Variants in MAPKAPK2 observed in about 807,000 individuals in gnomAD.
MAPKAPK2 encodes the protein MAPK activated protein kinase 2.
Under a neutral mutation model 48.8 loss-of-function variants are expected in MAPKAPK2, and 9 were observed. That is an observed-to-expected ratio of 0.18 (90% CI 0.11 to 0.32). The LOEUF is 0.32. Ranked by LOEUF, MAPKAPK2 falls within the 10% of genes least tolerant of loss-of-function variation. The pLI is 1.00. For missense variants in MAPKAPK2, 331 were observed against 498.3 expected, an observed-to-expected ratio of 0.66 and a Z score of 3.20; for synonymous variants, 202 against 190.6, an observed-to-expected ratio of 1.06 and a Z score of -0.49.
At chr1:206,721,913 A>G (rs1362689866) in intron 1 of MAPKAPK2, among the ~76,000 whole-genome samples, 2 of 152,180 alleles carry the variant, frequency 1.3e-5, no homozygotes, top group Non-Finnish European at 2.9e-5. Context: ...TAAAAATACA[A>G]AATTAGCCGG....
intron 1 of MAPKAPK2, among the ~76,000 whole-genome samples, chr1:206,721,230 C>T (rs1673509765): frequency 6.6e-6 from 1 of 152,178 alleles, no homozygotes; most frequent in Admixed American, 6.5e-5. Context: ...GCTCCCCCTT[C>T]ACCTTCCACC....
intron 1 of MAPKAPK2, among the ~76,000 whole-genome samples, chr1:206,686,936 A>C (rs1331950010): frequency 1.3e-5 from 2 of 152,118 alleles, no homozygotes; most frequent in Non-Finnish European, 2.9e-5. Flanking sequence ...CAACACTTCA[A>C]CATTTGTGTC....
chr1:206,712,489 G>C (rs183606552), intron 1 of MAPKAPK2, among the ~76,000 whole-genome samples: 164 of 152,078 alleles, frequency 1.1e-3, no homozygotes, highest in Admixed American at 1.6e-3. Context: ...TTGAAGATGG[G>C]TTTTTTTGTT....
intron 5 of MAPKAPK2, 106 bp downstream of exon 5, chr1:206,730,204 A>G (rs1673858396): frequency 7.2e-6 from 10 of 1,385,036 alleles, no homozygotes; most frequent in Non-Finnish European, 9.9e-6. Context: ...TTGTGTCTGT[A>G]TGGCCCCTTC....
At chr1:206,703,043 G>A (rs1032466711) in intron 1 of MAPKAPK2, among the ~76,000 whole-genome samples, 1 of 152,112 alleles carries the variant, frequency 6.6e-6, no homozygotes, top group South Asian at 2.1e-4. Context: ...AGCTCCTTGC[G>A]GACAAGAACT....
chr1:206,715,761 G>A (rs1673308261), intron 1 of MAPKAPK2, among the ~76,000 whole-genome samples: 1 of 151,504 alleles, frequency 6.6e-6, no homozygotes, highest in Non-Finnish European at 1.5e-5. Context: ...TGAGTAGCTG[G>A]GGCCACAGGC....
chr1:206,717,870 GA>G lies in MAPKAPK2; in HGVS notation c.280-10831del, dbSNP rs35962418. Among the ~76,000 whole-genome samples the G allele has an allele frequency of 8.0e-5, 12 of 149,222 alleles. No homozygotes were observed. The South Asian group carries it at 2.1e-3, about 26-fold the overall frequency. On this transcript the variant is annotated intron_variant, in intron 1 of 9. Transcript: ENST00000367103. ...AATACATAGAGATATAAAACAGAAA[GA>G]AAAAAAAATACACGCCTCTCTCTAG...
At chr1:206,716,100 ATT>A (rs200002587) in intron 1 of MAPKAPK2, among the ~76,000 whole-genome samples, 56 of 137,006 alleles carry the variant, frequency 4.1e-4, no homozygotes, top group African/African-American at 1.4e-3. Context: ...TAGCTGAAGT[ATT>A]TTTTTTTTTT....
In MAPKAPK2 at chr1:206,685,152, C is replaced by T. The variant is rs1221202438; in HGVS notation, c.-78C>T. On this transcript the variant is annotated 5_prime_UTR_variant, in exon 1 of 10. Transcript: ENST00000367103. ...GCGAACTTCGCAGCCCGTCGGGGGGCGGCGGGGAGGGGGCCCGGAGCCGGA... is the reference window on the plus strand; with the variant it reads ...GCGAACTTCGCAGCCCGTCGGGGGGTGGCGGGGAGGGGGCCCGGAGCCGGA... 1.2e-3 allele frequency: 282 copies of T among 233,150 alleles called. No individual in the cohort carries two copies. The highest frequency in any genetic ancestry group is 6.0e-3 in the African/African-American group (257 of 42,512). 14.4% of individuals were successfully genotyped at this position (233,150 alleles called of 1,614,324 possible).
At chr1:206,691,687 G>A (rs144451696) in intron 1 of MAPKAPK2, among the ~76,000 whole-genome samples, 49 of 151,944 alleles carry the variant, frequency 3.2e-4, no homozygotes, top group African/African-American at 1.2e-3. Flanking sequence ...ACAGAGGGTC[G>A]GCTCGAGCAG....
chr1:206,730,978 G>T (rs534627825), intron 6 of MAPKAPK2, among the ~76,000 whole-genome samples, 160 bp from the exon 7 acceptor site: 1 of 152,152 alleles, frequency 6.6e-6, no homozygotes, highest in Non-Finnish European at 1.5e-5. Context: ...CTGGATTCCC[G>T]GGCCCCGGGC....
intron 1 of MAPKAPK2, among the ~76,000 whole-genome samples, chr1:206,708,690 C>T (rs1443373726): frequency 6.6e-6 from 1 of 152,194 alleles, no homozygotes; most frequent in Non-Finnish European, 1.5e-5. Flanking sequence ...ATAAATGCCT[C>T]TATCTGTGCA....
At chr1:206,698,527 A>G (rs1336651696) in intron 1 of MAPKAPK2, among the ~76,000 whole-genome samples, 4 of 152,156 alleles carry the variant, frequency 2.6e-5, no homozygotes, top group African/African-American at 9.7e-5. Context: ...CAATATAACA[A>G]ATTTCTATTA....
intron 1 of MAPKAPK2, among the ~76,000 whole-genome samples, chr1:206,715,642 T>A (rs1287038241): frequency 6.6e-6 from 1 of 151,008 alleles, no homozygotes; most frequent in African/African-American, 2.4e-5. Flanking sequence ...TTTTTTTTTT[T>A]TTGAGATAGG....
intron 1 of MAPKAPK2, among the ~76,000 whole-genome samples, chr1:206,713,346 G>T (rs535608678): frequency 3.2e-4 from 49 of 152,308 alleles, no homozygotes; most frequent in Middle Eastern, 3.4e-3. Flanking sequence ...CTTGCCTGAG[G>T]TCAGGAAGTG....
At chr1:206,717,435 T>G (rs1185209588) in intron 1 of MAPKAPK2, among the ~76,000 whole-genome samples, 11 of 152,254 alleles carry the variant, frequency 7.2e-5, no homozygotes, top group African/African-American at 2.7e-4. Context: ...TCCCCATCTT[T>G]CAGTTTCCTA....
Position 206,731,826 on chromosome 1 carries a change from T to A in MAPKAPK2, c.979-13T>A. The stretch of plus-strand genomic sequence containing the variant: ...CCCAGGCTTTCACTCGGACCCCTTT[T>A]CTCTCTTCTCAGCAATCAACAAAGG... On this transcript the variant is annotated splice_polypyrimidine_tract_variant and intron_variant, in intron 8 of 9. Transcript: ENST00000367103. The surrounding 1 kb of genome is among the most constrained non-coding windows in gnomAD (Gnocchi z 5.9). The A allele has an allele frequency of 6.2e-7, 1 of 1,613,946 alleles. No individual in the cohort carries two copies. The highest frequency in any genetic ancestry group is 8.5e-7 in the Non-Finnish European group (1 of 1,179,916).
chr1:206,695,450 G>GTT lies in MAPKAPK2; in HGVS notation c.279+9958_279+9959dup, dbSNP rs797043593. On this transcript the variant is annotated intron_variant, in intron 1 of 9. Transcript: ENST00000367103. ...TCTTTCCCAGATCTGGCCCTGATCT[G>GTT]TTTTTTTTTTTTTTTTTGGAACACA... 4.6e-3 allele frequency among the ~76,000 whole-genome samples: 567 copies of GTT among 122,980 alleles called. 4 individuals are homozygous for GTT. Among genetic ancestry groups the GTT allele is most frequent in the African/African-American group, 0.015 (505 of 34,014 alleles). 80.7% of individuals were successfully genotyped at this position (122,980 alleles called of 152,430 possible).
At chr1:206,716,397 T>C (rs4325131) in intron 1 of MAPKAPK2, among the ~76,000 whole-genome samples, 147,096 of 152,252 alleles carry the variant, frequency 0.97, 71,116 homozygotes, top group East Asian at 1. Flanking sequence ...TGTGTCACCA[T>C]AACAATCATC....
Sources: gnomAD v4.1 joint callset for allele counts (sites outside exome capture counted in the v4.1 genomes callset) on GRCh38, gnomAD v4.1.1 for gene constraint, Gnocchi (gnomAD v3.1) non-coding constraint, MANE v1.5 for transcripts, NCBI Gene and HGNC (gene_info 2026-07-23, HGNC 2026-07-21) for gene names.